The following TBC1D5 variants were observed in gnomAD, a reference collection of about 807,000 sequenced individuals.
The protein encoded by TBC1D5 is TBC1 domain family member 5.
TBC1D5 carries 75 observed loss-of-function variants against 100.3 expected under a neutral mutation model. The ratio of observed to expected loss-of-function variants is 0.75; its 90% CI spans 0.62 to 0.91. The LOEUF (loss-of-function observed/expected upper bound fraction) is 0.91. TBC1D5 is among the 40% of genes least tolerant of loss of function. The pLI is 0.00. For synonymous variants in TBC1D5, 323 were observed against 325.6 expected, an observed-to-expected ratio of 0.99 and a Z score of 0.09; for missense variants, 910 against 942.4, an observed-to-expected ratio of 0.97 and a Z score of 0.45.
At chr3:17,612,952 T>C (rs912685458) in intron 2 of TBC1D5, among the ~76,000 whole-genome samples, 30 of 151,750 alleles carry the variant, frequency 2.0e-4, no homozygotes, top group African/African-American at 7.0e-4. Flanking sequence ...TTGTTACATA[T>C]GTATACATGT....
At chr3:17,701,633 T>C (rs969545975) in intron 1 of TBC1D5, among the ~76,000 whole-genome samples, 18 of 152,058 alleles carry the variant, frequency 1.2e-4, no homozygotes, top group Admixed American at 5.9e-4. Context: ...GACTTTTTTT[T>C]TTAAACAAAG....
rs577403732 is a variant in TBC1D5 at position 17,454,834 on chromosome 3, A to G, written c.98-26315T>C. 3.3e-5 allele frequency among the ~76,000 whole-genome samples: 5 copies of G among 152,300 alleles called. No individual in the cohort carries two copies. In the East Asian group the frequency reaches 9.6e-4, roughly 29 times the overall value. On this transcript the variant is annotated intron_variant, in intron 3 of 21. Coordinates refer to ENST00000253692, the Ensembl canonical transcript of TBC1D5. ...AATAAAAAAAGTAATCCCATTTACA[A>G]TAGCCACAAATAAAATTAAATACTT...
chr3:17,284,964 A>G (rs1056550684), intron 15 of TBC1D5, among the ~76,000 whole-genome samples: 10 of 152,182 alleles, frequency 6.6e-5, no homozygotes, highest in Admixed American at 3.9e-4. Flanking sequence ...CTCAGAAACA[A>G]AGAAAAAACA....
At chr3:17,593,908 T>G (rs2060397651) in intron 2 of TBC1D5, among the ~76,000 whole-genome samples, 1 of 152,180 alleles carries the variant, frequency 6.6e-6, no homozygotes, top group African/African-American at 2.4e-5. Context: ...TATATGGTAC[T>G]GTTTCTCCCA....
At chr3:17,574,382 GCTT>G (rs748808667) in intron 2 of TBC1D5, among the ~76,000 whole-genome samples, 9 of 151,964 alleles carry the variant, frequency 5.9e-5, no homozygotes, top group Non-Finnish European at 1.0e-4. Context: ...CACCATTGCA[GCTT>G]CTTCAATATA....
intron 2 of TBC1D5, among the ~76,000 whole-genome samples, chr3:17,606,041 C>G (rs1442592929): frequency 6.6e-6 from 1 of 152,160 alleles, no homozygotes; most frequent in Admixed American, 6.5e-5. Flanking sequence ...TAAAGTAGGT[C>G]TCTCATTTCA....
chr3:17,738,468 G>A (rs2077142218), intron 1 of TBC1D5, among the ~76,000 whole-genome samples: 1 of 152,054 alleles, frequency 6.6e-6, no homozygotes. Flanking sequence ...AGAAAAGTGA[G>A]GCACTGTGAG....
chr3:17,265,479 T>C (rs2078753209), intron 15 of TBC1D5, among the ~76,000 whole-genome samples: 1 of 152,054 alleles, frequency 6.6e-6, no homozygotes, highest in African/African-American at 2.4e-5. Context: ...ACGTTCCTCT[T>C]TGATGAAAAA....
At chr3:17,504,464 T>TA (rs939190207) in intron 3 of TBC1D5, among the ~76,000 whole-genome samples, 57 of 151,482 alleles carry the variant, frequency 3.8e-4, no homozygotes, top group African/African-American at 1.3e-3. Flanking sequence ...AAATAAAAAT[T>TA]AAAAAAAAGG....
chr3:17,350,349 C>T lies in TBC1D5; in HGVS notation c.995+21726G>A, dbSNP rs185498713. Among the ~76,000 whole-genome samples the T allele has an allele frequency of 4.6e-3, 703 of 152,274 alleles. 7 individuals carry two copies. The highest frequency in any genetic ancestry group is 0.016 in the African/African-American group (651 of 41,564). On this transcript the variant is annotated intron_variant, in intron 13 of 21. Transcript: ENST00000253692. ...ACAAAGAATAAAAGTGATAGCCTTT[C>T]CCCACTGGGCCACCAATAAACATCA...
chr3:17,652,164 A>G (rs1038427551), intron 1 of TBC1D5, among the ~76,000 whole-genome samples: 1 of 152,196 alleles, frequency 6.6e-6, no homozygotes, highest in Admixed American at 6.5e-5. Flanking sequence ...AAATAAATTT[A>G]AGAACAGCCT....
chr3:17,349,497 C>T (rs184340318), intron 13 of TBC1D5, among the ~76,000 whole-genome samples: 10 of 152,292 alleles, frequency 6.6e-5, no homozygotes, highest in Non-Finnish European at 1.3e-4. Flanking sequence ...TCTCATTTCC[C>T]ATGCATTTTA....
chr3:17,456,830 G>A (rs558110782), intron 3 of TBC1D5, among the ~76,000 whole-genome samples: 9 of 152,210 alleles, frequency 5.9e-5, no homozygotes, highest in South Asian at 2.1e-4. Flanking sequence ...AACAAAGTAC[G>A]GATACATGCT....
intron 12 of TBC1D5, among the ~76,000 whole-genome samples, chr3:17,373,409 T>C (rs944335329): frequency 2.6e-5 from 4 of 152,142 alleles, no homozygotes; most frequent in Admixed American, 2.0e-4. Context: ...CCAGAAGAAT[T>C]TGTGATTTTT....
At chr3:17,441,293 C>T (rs1401345091) in intron 3 of TBC1D5, among the ~76,000 whole-genome samples, 2 of 151,846 alleles carry the variant, frequency 1.3e-5, no homozygotes, top group Non-Finnish European at 1.5e-5. Flanking sequence ...GAGGAGCAGG[C>T]GGAGAAAACA....
intron 17 of TBC1D5, among the ~76,000 whole-genome samples, chr3:17,229,288 G>A (rs2075206230): frequency 1.3e-5 from 2 of 152,116 alleles, no homozygotes; most frequent in African/African-American, 4.8e-5. Flanking sequence ...GTTTCCTGCA[G>A]ACTTGAGTGA....
intron 2 of TBC1D5, among the ~76,000 whole-genome samples, chr3:17,579,004 A>T (rs1019776058): frequency 1.3e-5 from 2 of 152,028 alleles, no homozygotes; most frequent in Non-Finnish European, 2.9e-5. Context: ...ACTGTTTACT[A>T]GTATACTGAA....
chr3:17,470,042 A>G (rs2095354738), intron 3 of TBC1D5, among the ~76,000 whole-genome samples: 1 of 152,162 alleles, frequency 6.6e-6, no homozygotes, highest in Admixed American at 6.5e-5. Flanking sequence ...TTATTTCCCT[A>G]CACTCCTACA....
At chr3:17,215,156 C>A (rs942019854) in intron 17 of TBC1D5, among the ~76,000 whole-genome samples, 6 of 152,010 alleles carry the variant, frequency 3.9e-5, no homozygotes, top group African/African-American at 1.4e-4. Context: ...ATTTGACTTA[C>A]ATTTTAAAAG....
Sources: gnomAD v4.1 joint callset for allele counts (sites outside exome capture counted in the v4.1 genomes callset) on GRCh38, gnomAD v4.1.1 for gene constraint, MANE v1.5 for transcripts, NCBI Gene and HGNC (gene_info 2026-07-23, HGNC 2026-07-21) for gene names.